LPGAT1: variants seen among roughly 807,000 people sequenced by gnomAD.
LPGAT1 encodes the protein lysophosphatidylglycerol acyltransferase 1, also known as acyl-CoA:lysophosphatidylglycerol acyltransferase 1.
In LPGAT1, 11 loss-of-function variants were observed where a neutral mutation model predicts 47.5. The ratio of observed to expected loss-of-function variants is 0.23; its 90% confidence interval spans 0.15 to 0.38. The LOEUF (loss-of-function observed/expected upper bound fraction) is 0.38. Among genes scored for constraint, LPGAT1 ranks in the 10% least tolerant of loss-of-function variants. LPGAT1 has a pLI of 1.00. For synonymous variants in LPGAT1, 138 were observed against 144.2 expected, an observed-to-expected ratio of 0.96 and a Z score of 0.31; for missense variants, 293 against 439.0, an observed-to-expected ratio of 0.67 and a Z score of 2.97.
At position 211,749,955 on chromosome 1, in the gene LPGAT1, A is replaced by C. The variant is rs1657105820; in HGVS notation, c.1057T>G (p.Leu353Val). The change falls in exon 8 of 8, where the codon TTG (leucine) becomes GTG (valine). Residue 353 changes from leucine to valine, a missense_variant. Transcript: ENST00000366997. ...ATGTTGTACCACATATAGCCTGACA[A>C]AAATGCAAAAGACTGTATGAGAAAT... Reference protein sequence around the residue: ...WIFLIQSFAFLSGYMWYNIIQ... With the variant: ...WIFLIQSFAFVSGYMWYNIIQ... 1.9e-6 allele frequency: 3 copies of C among 1,614,168 alleles called. No homozygotes were observed. The highest frequency in any genetic ancestry group is 2.5e-6 in the Non-Finnish European group (3 of 1,180,006).
At chr1:211,769,604 T>A (rs1658079775) in intron 6 of LPGAT1, among the ~76,000 whole-genome samples, 1 of 152,236 alleles carries the variant, frequency 6.6e-6, no homozygotes, top group African/African-American at 2.4e-5. Flanking sequence ...CCTTGATGGC[T>A]GCTGGCTGCC....
rs1658943109 is a variant in LPGAT1, at chr1:211,787,721, C to T, written c.364G>A (p.Ala122Thr). The T allele has an allele frequency of 6.3e-7, 1 of 1,593,848 alleles. No individual in the cohort carries two copies. The highest frequency in any genetic ancestry group is 8.6e-7 in the Non-Finnish European group (1 of 1,168,166). ...MCLQDKGLVV[A>T]QMMWLMDHIF... ...TGATCCATCAACCACATCATCTGAGCAACAACCTAAAATATTTAAAAGCAA... is the reference window on the plus strand; with the variant it reads ...TGATCCATCAACCACATCATCTGAGTAACAACCTAAAATATTTAAAAGCAA... The change falls in exon 4 of 8, where the codon GCT becomes ACT. Residue 122 changes from alanine to threonine, a missense_variant. Ala to Thr is a moderately conservative substitution (Grantham distance 58). Transcript: ENST00000366997.
intron 2 of LPGAT1, among the ~76,000 whole-genome samples, chr1:211,820,500 G>C (rs1241942454): frequency 6.9e-6 from 1 of 144,858 alleles, no homozygotes; most frequent in Non-Finnish European, 1.5e-5. Flanking sequence ...GAAATGTCTA[G>C]ATAACAGGAA....
chr1:211,749,818 G>A lies in LPGAT1; in HGVS notation c.*81C>T, dbSNP rs1571686054. 7.3e-7 allele frequency: 1 copy of A among 1,376,288 alleles called. No individual in the cohort carries two copies. Among genetic ancestry groups the A allele is most frequent in the Non-Finnish European group, 1.0e-6 (1 of 986,168 alleles). The allele number at this position is 1,376,288 out of a possible 1,614,324, so 85.3% of individuals were successfully genotyped here. A position where few individuals can be genotyped will look rare whatever the true frequency, so the allele number is the denominator to read the frequency against. On this transcript the variant is annotated 3_prime_UTR_variant, in exon 8 of 8. Coordinates refer to ENST00000366997, the MANE Select transcript of LPGAT1 (RefSeq NM_014873.3). Reference sequence around the variant, plus strand: ...TTTTGCTTTTTTTTAAATATATTCTGATTTGCACATGTAAAATAATGCACA... The same window carrying A: ...TTTTGCTTTTTTTTAAATATATTCTAATTTGCACATGTAAAATAATGCACA...
chr1:211,789,146 A>G (rs1046299713), intron 3 of LPGAT1, among the ~76,000 whole-genome samples: 2 of 152,234 alleles, frequency 1.3e-5, no homozygotes, highest in Non-Finnish European at 2.9e-5. Flanking sequence ...TTTGCTTTGC[A>G]ATGATGATTA....
chr1:211,773,745 T>C (rs1658273771), intron 6 of LPGAT1, among the ~76,000 whole-genome samples: 1 of 152,230 alleles, frequency 6.6e-6, no homozygotes, highest in Admixed American at 6.5e-5. Flanking sequence ...AGCAGTGCAC[T>C]GTGCCCACTA....
At position 211,748,186 on chromosome 1, in the gene LPGAT1, T is replaced by G. The variant is rs967710759; in HGVS notation, c.*1713A>C. Reference sequence around the variant, plus strand: ...TTAGTGACAACGGGGGAATCTACAATGCTCACATCACAGTAAACTACCACT... The same window carrying G: ...TTAGTGACAACGGGGGAATCTACAAGGCTCACATCACAGTAAACTACCACT... On this transcript the variant is annotated 3_prime_UTR_variant, in exon 8 of 8. Coordinates refer to ENST00000366997, the MANE Select transcript of LPGAT1 (RefSeq NM_014873.3). The G allele has an allele frequency of 6.6e-6, 1 of 152,582 alleles. No homozygotes were observed. Among genetic ancestry groups the G allele is most frequent in the Admixed American group, 6.5e-5 (1 of 15,268 alleles). The allele number at this position is 152,582 out of a possible 1,614,324, so 9.5% of individuals were successfully genotyped here. A position where few individuals can be genotyped will look rare whatever the true frequency, so the allele number is the denominator to read the frequency against.
chr1:211,812,772 G>A (rs1660033951), intron 2 of LPGAT1, among the ~76,000 whole-genome samples: 1 of 152,228 alleles, frequency 6.6e-6, no homozygotes, highest in Admixed American at 6.5e-5. Flanking sequence ...TGGAGGCCGA[G>A]GCTGAGTGAT....
At chr1:211,822,920 A>G (rs992819353) in intron 2 of LPGAT1, among the ~76,000 whole-genome samples, 1 of 152,202 alleles carries the variant, frequency 6.6e-6, no homozygotes, top group Non-Finnish European at 1.5e-5. Context: ...TAAGGAAGTT[A>G]GATTTTATGA....
chr1:211,778,838 A>G, intron 6 of LPGAT1, 80 bp downstream of exon 6: 4 of 1,197,988 alleles, frequency 3.3e-6, no homozygotes, highest in Non-Finnish European at 4.4e-6. Flanking sequence ...TGTGTGATTA[A>G]AAACTAAATA....
intron 6 of LPGAT1, among the ~76,000 whole-genome samples, chr1:211,769,365 G>A (rs1658067950): frequency 6.6e-6 from 1 of 152,148 alleles, no homozygotes; most frequent in Non-Finnish European, 1.5e-5. Context: ...GAAGGATGGA[G>A]GCTGCTATCA....
At chr1:211,801,006 A>G (rs892202541) in intron 2 of LPGAT1, among the ~76,000 whole-genome samples, 9 of 152,230 alleles carry the variant, frequency 5.9e-5, no homozygotes, top group Admixed American at 3.9e-4. Context: ...AAATATTCCA[A>G]TAAGATTACC....
intron 3 of LPGAT1, among the ~76,000 whole-genome samples, chr1:211,790,795 C>T (rs1659078705): frequency 6.6e-6 from 1 of 152,120 alleles, no homozygotes; most frequent in African/African-American, 2.4e-5. Context: ...CTAGTTAATA[C>T]AGTTATCATC....
chr1:211,787,724 C>A lies in LPGAT1; in HGVS notation c.361G>T (p.Val121Phe). ...TCCATCAACCACATCATCTGAGCAA[C>A]AACCTAAAATATTTAAAAGCAAGAA... Reference protein sequence around the residue: ...MMCLQDKGLVVAQMMWLMDHI... With the variant: ...MMCLQDKGLVFAQMMWLMDHI... The change falls in exon 4 of 8, where the codon GTT becomes TTT. Residue 121 changes from valine (V) to phenylalanine (F), a missense_variant. Transcript: ENST00000366997. The A allele has an allele frequency of 6.3e-7, 1 of 1,591,702 alleles. No homozygotes were observed. The highest frequency in any genetic ancestry group is 1.1e-5 in the South Asian group (1 of 88,550).
intron 2 of LPGAT1, among the ~76,000 whole-genome samples, chr1:211,804,738 T>C (rs1451141508): frequency 6.6e-6 from 1 of 152,206 alleles, no homozygotes; most frequent in African/African-American, 2.4e-5. Flanking sequence ...GTCCTGGCTA[T>C]TGATTACAGT....
Position 211,830,385 on chromosome 1 carries a change from TC to T in LPGAT1, c.-28+187del. ...AGGCCGGACCTGTCACCCGGGCGGG[TC>T]CCGGGGAGGCGGGCGGATGCCCCGC... On this transcript the variant is annotated intron_variant, in intron 1 of 7. Transcript: ENST00000366997. This position sits in a 1 kb window ranked among gnomAD's most constrained non-coding sequence, Gnocchi z 5.9. The T allele has an allele frequency of 8.6e-7, 1 of 1,168,634 alleles. No homozygotes were observed. Among genetic ancestry groups the T allele is most frequent in the Non-Finnish European group, 1.1e-6 (1 of 947,890 alleles). 72.4% of individuals were successfully genotyped at this position (1,168,634 alleles called of 1,614,324 possible). A position where few individuals can be genotyped will look rare whatever the true frequency, so the allele number is the denominator to read the frequency against.
At chr1:211,800,249 T>C (rs1330752901) in intron 2 of LPGAT1, among the ~76,000 whole-genome samples, 1 of 150,624 alleles carries the variant, frequency 6.6e-6, no homozygotes, top group Non-Finnish European at 1.5e-5. Flanking sequence ...GTTGGACAGG[T>C]TGGTCTTGGT....
At chr1:211,799,314 A>G (rs1404903849) in intron 2 of LPGAT1, among the ~76,000 whole-genome samples, 1 of 152,194 alleles carries the variant, frequency 6.6e-6, no homozygotes, top group Non-Finnish European at 1.5e-5. Context: ...TGGAATGTTT[A>G]TTATGTGCCA....
At chr1:211,790,295 G>A (rs934468697) in intron 3 of LPGAT1, among the ~76,000 whole-genome samples, 1 of 152,122 alleles carries the variant, frequency 6.6e-6, no homozygotes, top group Non-Finnish European at 1.5e-5. Context: ...CAGCAACACT[G>A]TTGTCCTATT....
Sources: allele counts gnomAD v4.1 joint callset (sites outside exome capture counted in the v4.1 genomes callset), GRCh38; gene constraint gnomAD v4.1.1; non-coding constraint Gnocchi (gnomAD v3.1); transcripts MANE v1.5; gene names NCBI Gene and HGNC (gene_info 2026-07-23, HGNC 2026-07-21).